Variants in XRN1 observed in about 807,000 individuals in gnomAD.
XRN1 encodes the protein strand-exchange protein 1 homolog.
In XRN1, 67 loss-of-function variants were observed where a neutral mutation model predicts 222.3. That is an observed-to-expected ratio of 0.30 (90% CI 0.25 to 0.37). The LOEUF (loss-of-function observed/expected upper bound fraction) is 0.37, where lower values mean the gene tolerates loss of function less well. Ranked by LOEUF, XRN1 falls within the 10% of genes least tolerant of loss-of-function variation. The probability of loss-of-function intolerance (pLI) is 1.00; values close to 1 mark genes in which losing one functional copy is unlikely to be tolerated. For synonymous variants in XRN1, 643 were observed against 652.4 expected (o/e 0.99, Z 0.22); for missense variants, 1,707 against 2,000.2 (o/e 0.85, Z 2.80).
chr3:142,332,666 T>C (rs1250262655), intron 35 of XRN1, 132 bp from the exon 36 acceptor site: 6 of 898,276 alleles, frequency 6.7e-6, no homozygotes, highest in Non-Finnish European at 9.4e-6. Context: ...TACATTCAGA[T>C]AGAAACTGAA....
intron 33 of XRN1, among the ~76,000 whole-genome samples, chr3:142,339,435 G>A (rs2065930456): frequency 6.6e-6 from 1 of 152,054 alleles, no homozygotes; most frequent in Non-Finnish European, 1.5e-5. Flanking sequence ...TCAAATACTT[G>A]GAAAGTGTTC....
In XRN1 at chr3:142,422,920, A is replaced by T. The variant is rs183730909; in HGVS notation, c.713T>A (p.Val238Glu). The T allele has an allele frequency of 6.2e-7, 1 of 1,609,162 alleles. No homozygotes were observed. Among genetic ancestry groups the T allele is most frequent in the African/African-American group, 1.3e-5 (1 of 74,836 alleles). ...VRFGGKKTQR[V>E]CAPEETTFHL... is the part of the protein sequence containing the mutation. ...AAATGTAGTTTCTTCTGGAGCACAT[A>T]CCCTGGAATTAGTCAGATGATCAAG... Residue 238 changes from valine to glutamate, a missense_variant and splice_region_variant, in exon 7 of 41, where the codon GTA becomes GAA. Physicochemically the swap from Val to Glu is moderately radical, Grantham distance 121. Coordinates refer to ENST00000392981, the MANE Select transcript of XRN1 (RefSeq NM_001282857.2).
At chr3:142,374,208 G>A (rs1471220294) in intron 25 of XRN1, among the ~76,000 whole-genome samples, 1 of 152,122 alleles carries the variant, frequency 6.6e-6, no homozygotes, top group Non-Finnish European at 1.5e-5. Flanking sequence ...CTATATGGCA[G>A]ACTGGTGAAG....
At chr3:142,441,673 C>T (rs993181994) in intron 1 of XRN1, among the ~76,000 whole-genome samples, 1 of 152,194 alleles carries the variant, frequency 6.6e-6, no homozygotes, top group African/African-American at 2.4e-5. Flanking sequence ...CTAAAGGAGA[C>T]TTGTGGCTCT....
chr3:142,403,976 A>C lies in XRN1; in HGVS notation c.1897T>G (p.Ser633Ala), dbSNP rs756989420. ...ERCCTRYKII[S>A]LDAWRVDINK... Reference sequence around the variant, plus strand: ...ATGTCTACACGCCAAGCATCTAAGGATATTATTTTATACCTAGAAAATAAA... The same window carrying C: ...ATGTCTACACGCCAAGCATCTAAGGCTATTATTTTATACCTAGAAAATAAA... The change falls in exon 17 of 41, where the codon TCC (serine) becomes GCC (alanine). Residue 633 changes from serine to alanine, a missense_variant. Physicochemically the swap from Ser to Ala is moderately conservative, Grantham distance 99. Transcript: ENST00000392981. 7 of 1,573,304 alleles carry C rather than the reference A, an allele frequency of 4.4e-6. No individual in the cohort carries two copies. The South Asian group carries it at 7.9e-5, about 18-fold the overall frequency.
chr3:142,341,392 A>C (rs1038654041), intron 33 of XRN1, among the ~76,000 whole-genome samples: 1 of 152,122 alleles, frequency 6.6e-6, no homozygotes, highest in African/African-American at 2.4e-5. Flanking sequence ...GACCAAAAAC[A>C]ACCAGAAAAC....
chr3:142,359,190 GTTAAA>G (rs916450860), intron 30 of XRN1, among the ~76,000 whole-genome samples: 2 of 152,042 alleles, frequency 1.3e-5, no homozygotes, highest in African/African-American at 2.4e-5. Context: ...TCTTATCTGT[GTTAAA>G]TTAAAAACAA....
intron 23 of XRN1, among the ~76,000 whole-genome samples, chr3:142,377,951 G>C (rs1255262374): frequency 6.6e-6 from 1 of 152,176 alleles, no homozygotes; most frequent in Non-Finnish European, 1.5e-5. Flanking sequence ...AATGGCACCA[G>C]ATGGTAAGAT....
intron 20 of XRN1, among the ~76,000 whole-genome samples, chr3:142,390,383 C>G (rs1030585524): frequency 1.1e-4 from 17 of 152,226 alleles, no homozygotes; most frequent in African/African-American, 4.1e-4. Context: ...TTAGCTAGAT[C>G]TGGATGACTC....
chr3:142,321,718 G>A (rs970966799), intron 37 of XRN1, among the ~76,000 whole-genome samples: 6 of 151,940 alleles, frequency 3.9e-5, no homozygotes, highest in Non-Finnish European at 7.4e-5. Context: ...TATTATTTTT[G>A]ATACTATAAA....
intron 22 of XRN1, 64 bp from the exon 23 acceptor site, chr3:142,380,244 A>C: frequency 2.2e-6 from 3 of 1,357,322 alleles, no homozygotes; most frequent in Non-Finnish European, 3.1e-6. Flanking sequence ...AACTTATTTG[A>C]ACACTATTAT....
rs556692060 is a variant in XRN1 at position 142,406,728 on chromosome 3, G to A, written c.1714-1652C>T. 7.3e-5 allele frequency among the ~76,000 whole-genome samples: 11 copies of A among 151,338 alleles called. No homozygotes were observed. The South Asian group carries it at 2.1e-3, about 29-fold the overall frequency. On this transcript the variant is annotated intron_variant, in intron 15 of 40. Coordinates refer to ENST00000392981, the MANE Select transcript of XRN1 (RefSeq NM_001282857.2). ...TTTTTGGTAGAGGTTGGGTCTTGCTGTGTTGCCCAGGGTGGGCTTGAACTC... is the reference window on the plus strand; with the variant it reads ...TTTTTGGTAGAGGTTGGGTCTTGCTATGTTGCCCAGGGTGGGCTTGAACTC...
intron 16 of XRN1, 108 bp downstream of exon 16, chr3:142,404,799 T>G (rs941764451): frequency 1.9e-6 from 2 of 1,034,434 alleles, no homozygotes. Context: ...TGTCATAAAC[T>G]ATTTGCTAAT....
At chr3:142,417,109 C>T (rs1559865606) in intron 13 of XRN1, 31 bp downstream of exon 13, 7 of 1,532,040 alleles carry the variant, frequency 4.6e-6, no homozygotes, top group African/African-American at 2.8e-5. Flanking sequence ...TATAAAAAGA[C>T]AAAACTTTAT....
At chr3:142,391,863 C>A (rs1351640850) in intron 20 of XRN1, among the ~76,000 whole-genome samples, 1 of 150,906 alleles carries the variant, frequency 6.6e-6, no homozygotes, top group Non-Finnish European at 1.5e-5. Flanking sequence ...ATAACTTTTA[C>A]AGCAATGCAT....
chr3:142,441,506 T>C lies in XRN1; in HGVS notation c.75+6364A>G, dbSNP rs569685918. Among the ~76,000 whole-genome samples, 20 of 152,378 alleles carry C rather than the reference T, an allele frequency of 1.3e-4. No individual in the cohort carries two copies. In the South Asian group the frequency reaches 2.7e-3, roughly 21 times the overall value. Reference sequence around the variant, plus strand: ...GAGGGACGAGCTTGCAACCGTGGCATACCTGAGTAAGAAAACTGATGTAGT... The same window carrying C: ...GAGGGACGAGCTTGCAACCGTGGCACACCTGAGTAAGAAAACTGATGTAGT... On this transcript the variant is annotated intron_variant, in intron 1 of 40. Coordinates refer to ENST00000392981, the MANE Select transcript of XRN1 (RefSeq NM_001282857.2).
At chr3:142,358,813 G>A (rs145156195) in intron 30 of XRN1, among the ~76,000 whole-genome samples, 1 of 152,076 alleles carries the variant, frequency 6.6e-6, no homozygotes, top group Non-Finnish European at 1.5e-5. Context: ...TGACTACTTG[G>A]TATAACAGCC....
intron 2 of XRN1, among the ~76,000 whole-genome samples, chr3:142,431,159 AT>A (rs764359032): frequency 3.2e-4 from 49 of 152,342 alleles, no homozygotes; most frequent in Non-Finnish European, 5.9e-4. Flanking sequence ...GCAGACTACT[AT>A]TGGAGCTTTT....
chr3:142,340,028 A>G (rs1462378094), intron 33 of XRN1, among the ~76,000 whole-genome samples: 1 of 152,086 alleles, frequency 6.6e-6, no homozygotes, highest in East Asian at 1.9e-4. Flanking sequence ...GTGATTAAGC[A>G]GAAGAAAGAA....
Sources: gnomAD v4.1 joint callset for allele counts (sites outside exome capture counted in the v4.1 genomes callset) on GRCh38, gnomAD v4.1.1 for gene constraint, MANE v1.5 for transcripts, NCBI Gene and HGNC (gene_info 2026-07-23, HGNC 2026-07-21) for gene names.